ANO3: variants seen among roughly 807,000 people sequenced by gnomAD.
ANO3 encodes anoctamin 3.
Under a neutral mutation model 144.8 loss-of-function variants are expected in ANO3, and 99 were observed. The ratio of observed to expected loss-of-function variants is 0.68; its 90% CI spans 0.58 to 0.81. ANO3 has a LOEUF of 0.81. ANO3 is among the 30% of genes least tolerant of loss of function. The pLI, the probability that ANO3 is intolerant of heterozygous loss-of-function variation, is 0.00. For synonymous variants in ANO3, 414 were observed against 392.6 expected (o/e 1.05, Z -0.64); for missense variants, 905 against 1,202.2 (o/e 0.75, Z 3.66).
intron 14 of ANO3, among the ~76,000 whole-genome samples, chr11:26,576,554 CTTT>C (rs1235507485): frequency 1.3e-5 from 2 of 152,134 alleles, no homozygotes; most frequent in South Asian, 4.1e-4. Context: ...GTAAACTCTT[CTTT>C]ATTTTTACCT....
intron 1 of ANO3, among the ~76,000 whole-genome samples, chr11:26,226,233 G>A (rs1852254397): frequency 1.3e-5 from 2 of 151,856 alleles, no homozygotes; most frequent in South Asian, 4.2e-4. Flanking sequence ...CAGATGGTGT[G>A]GCATATTTTG....
chr11:26,545,313 C>T (rs368452667), intron 11 of ANO3, among the ~76,000 whole-genome samples: 3 of 151,948 alleles, frequency 2.0e-5, no homozygotes, highest in African/African-American at 7.2e-5. Flanking sequence ...TAAAGTAGTT[C>T]CTTAGTAGTG....
At chr11:26,527,188 G>A (rs1235005966) in intron 7 of ANO3, among the ~76,000 whole-genome samples, 2 of 151,966 alleles carry the variant, frequency 1.3e-5, no homozygotes, top group African/African-American at 4.8e-5. Flanking sequence ...AAATCCTAAC[G>A]AAACATTTTT....
At chr11:26,650,234 G>A (rs969457458) in intron 24 of ANO3, among the ~76,000 whole-genome samples, 1 of 39,752 alleles carries the variant, frequency 2.5e-5, no homozygotes, top group Non-Finnish European at 7.6e-5. Context: ...CAAGGTGGCG[G>A]AAGAAGATGA....
chr11:26,388,477 T>C (rs1386720823), intron 1 of ANO3, among the ~76,000 whole-genome samples: 1 of 152,168 alleles, frequency 6.6e-6, no homozygotes, highest in Non-Finnish European at 1.5e-5. Flanking sequence ...ATCTTTTATC[T>C]TTATAATACC....
chr11:26,441,101 G>A (rs1384973995), intron 1 of ANO3, among the ~76,000 whole-genome samples: 1 of 137,796 alleles, frequency 7.3e-6, no homozygotes, highest in African/African-American at 2.8e-5. Context: ...CCTGCTTGCT[G>A]CCCAGTTTTT....
chr11:26,534,560 T>C lies in ANO3; in HGVS notation c.974T>C (p.Val325Ala). The C allele has an allele frequency of 6.2e-7, 1 of 1,603,550 alleles. No individual in the cohort carries two copies. Among genetic ancestry groups the C allele is most frequent in the Non-Finnish European group, 8.5e-7 (1 of 1,171,042 alleles). Residue 325 changes from valine to alanine, a missense_variant and splice_region_variant, in exon 9 of 27, where the codon GTG becomes GCG. This residue lies in a region of ANO3 where 597 missense variants were observed against 865.1 expected (regional missense o/e 0.69). Transcript: ENST00000256737. ...AAATATGAAAATGGAATATCAAAAG[T>C]GGGTAAGAACATTAATTAATAACAG... ...RTKYENGISK[V>A]GIRKLINNGS...
intron 1 of ANO3, among the ~76,000 whole-genome samples, chr11:26,279,635 T>C (rs1010856135): frequency 6.6e-6 from 1 of 152,140 alleles, no homozygotes; most frequent in Admixed American, 6.5e-5. Context: ...CTGTTTCAAG[T>C]CAAATCAAGA....
At chr11:26,609,893 C>T (rs1358926226) in intron 17 of ANO3, among the ~76,000 whole-genome samples, 1 of 152,092 alleles carries the variant, frequency 6.6e-6, no homozygotes, top group African/African-American at 2.4e-5. Context: ...TGTATCCTAG[C>T]CAACGCTAGT....
intron 14 of ANO3, among the ~76,000 whole-genome samples, chr11:26,588,991 CTT>C (rs1851366075): frequency 6.6e-6 from 1 of 152,146 alleles, no homozygotes; most frequent in South Asian, 2.1e-4. Flanking sequence ...CGTTTGTACT[CTT>C]TTAAAACTGC....
At chr11:26,312,212 T>C (rs534885503) in intron 1 of ANO3, among the ~76,000 whole-genome samples, 6 of 152,352 alleles carry the variant, frequency 3.9e-5, no homozygotes, top group African/African-American at 1.4e-4. Context: ...CCATGGTGTA[T>C]ATGTGCCACA....
chr11:26,448,767 T>C (rs1367911227), intron 3 of ANO3, among the ~76,000 whole-genome samples: 1 of 152,146 alleles, frequency 6.6e-6, no homozygotes, highest in Non-Finnish European at 1.5e-5. Context: ...GTAAATCTTG[T>C]CAATTGTTTA....
intron 9 of ANO3, among the ~76,000 whole-genome samples, chr11:26,535,536 A>G (rs1849484591): frequency 7.0e-6 from 1 of 143,502 alleles, no homozygotes; most frequent in Non-Finnish European, 1.5e-5. Flanking sequence ...ATTGAGTGCT[A>G]TATAGGTAAA....
chr11:26,418,264 G>A (rs1004936755), intron 1 of ANO3, among the ~76,000 whole-genome samples: 5 of 151,950 alleles, frequency 3.3e-5, no homozygotes, highest in African/African-American at 1.2e-4. Context: ...GGTATGTTTG[G>A]GTTCACATTC....
chr11:26,463,609 G>T (rs1403546894), intron 4 of ANO3, among the ~76,000 whole-genome samples: 2 of 151,832 alleles, frequency 1.3e-5, no homozygotes, highest in African/African-American at 4.8e-5. Flanking sequence ...GACAAAATGA[G>T]AAAACCATGT....
intron 1 of ANO3, among the ~76,000 whole-genome samples, chr11:26,420,826 A>G (rs1857729849): frequency 6.6e-6 from 1 of 152,144 alleles, no homozygotes; most frequent in Admixed American, 6.6e-5. Flanking sequence ...CTCTGAATTA[A>G]CCATCTGTAT....
chr11:26,245,486 T>C (rs1466426549), intron 1 of ANO3, among the ~76,000 whole-genome samples: 1 of 152,190 alleles, frequency 6.6e-6, no homozygotes, highest in Non-Finnish European at 1.5e-5. Flanking sequence ...TACTTTCTTA[T>C]GTAAGGTATA....
At chr11:26,638,670 G>A (rs1853046140) in intron 20 of ANO3, among the ~76,000 whole-genome samples, 1 of 152,182 alleles carries the variant, frequency 6.6e-6, no homozygotes. Context: ...AATGTATGGA[G>A]CGACAGCTAG....
intron 1 of ANO3, among the ~76,000 whole-genome samples, chr11:26,266,487 G>T (rs1853310300): frequency 6.8e-6 from 1 of 146,186 alleles, no homozygotes; most frequent in African/African-American, 2.6e-5. Context: ...AGGCTGGAGT[G>T]CAGTGGCGCA....
Sources: allele counts gnomAD v4.1 joint callset (sites outside exome capture counted in the v4.1 genomes callset), GRCh38; gene constraint gnomAD v4.1.1; regional missense constraint gnomAD v4.1.1; transcripts MANE v1.5; gene names NCBI Gene and HGNC (gene_info 2026-07-23, HGNC 2026-07-21).